ZC3H13: variants seen among roughly 807,000 people sequenced by gnomAD.
ZC3H13 encodes the protein zinc finger CCCH domain-containing protein 13.
Under a neutral mutation model 204.1 loss-of-function variants are expected in ZC3H13, and 64 were observed. The observed-to-expected ratio is 0.31, with a 90% confidence interval of 0.26 to 0.39. The LOEUF (loss-of-function observed/expected upper bound fraction) is 0.39. Ranked by LOEUF, ZC3H13 falls within the 10% of genes least tolerant of loss-of-function variation. ZC3H13 has a pLI of 1.00. For synonymous variants in ZC3H13, 667 were observed against 693.7 expected (o/e 0.96, Z 0.60); for missense variants, 1,833 against 2,082.7 (o/e 0.88, Z 2.33).
intron 7 of ZC3H13, among the ~76,000 whole-genome samples, chr13:46,008,598 T>C (rs1001443171): frequency 1.3e-5 from 2 of 152,162 alleles, no homozygotes; most frequent in African/African-American, 4.8e-5. Flanking sequence ...CAAAACTTTC[T>C]ATGAAAAGAT....
At chr13:45,989,977 ATTTT>A (rs369854024) in intron 8 of ZC3H13, among the ~76,000 whole-genome samples, 3 of 152,224 alleles carry the variant, frequency 2.0e-5, no homozygotes, top group Non-Finnish European at 4.4e-5. Flanking sequence ...AAAAATTCTG[ATTTT>A]TTAAGTCAAA....
intron 12 of ZC3H13, among the ~76,000 whole-genome samples, chr13:45,971,846 C>A (rs937261712): frequency 1.1e-4 from 16 of 151,706 alleles, no homozygotes; most frequent in African/African-American, 3.6e-4. Flanking sequence ...ATAAAGGACA[C>A]GAATAGACAT....
At chr13:46,040,185 T>C (rs1216112060) in intron 4 of ZC3H13, among the ~76,000 whole-genome samples, 3 of 152,176 alleles carry the variant, frequency 2.0e-5, no homozygotes, top group Non-Finnish European at 4.4e-5. Context: ...CATTAGACAT[T>C]AGAAAACTAA....
At chr13:46,001,906 G>A (rs1228399723) in intron 8 of ZC3H13, among the ~76,000 whole-genome samples, 2 of 150,864 alleles carry the variant, frequency 1.3e-5, no homozygotes, top group Non-Finnish European at 2.9e-5. Flanking sequence ...GAAGTCTTCA[G>A]TTAACTGTTC....
chr13:46,003,363 G>C (rs1323868563), intron 7 of ZC3H13, 27 bp from the exon 8 acceptor site: 1 of 1,590,362 alleles, frequency 6.3e-7, no homozygotes, highest in Non-Finnish European at 8.5e-7. Flanking sequence ...GCTATCATTA[G>C]AGGTTCAAAT....
chr13:46,018,961 A>G (rs1429702435), intron 5 of ZC3H13, among the ~76,000 whole-genome samples: 1 of 152,172 alleles, frequency 6.6e-6, no homozygotes, highest in African/African-American at 2.4e-5. Context: ...ATAATATTTT[A>G]TTTAAATATA....
intron 7 of ZC3H13, among the ~76,000 whole-genome samples, chr13:46,004,977 CA>C (rs1457056483): frequency 6.6e-6 from 1 of 152,158 alleles, no homozygotes; most frequent in Non-Finnish European, 1.5e-5. Flanking sequence ...CTTACTTTAA[CA>C]ATAGTTTAAT....
At chr13:45,962,288 C>A in intron 17 of ZC3H13, 1 of 985,368 alleles carries the variant, frequency 1.0e-6, no homozygotes, top group Non-Finnish European at 1.2e-6. Context: ...CATCACCCCA[C>A]CCTTTACAGT....
At chr13:46,049,796 A>G (rs1712096278) in intron 1 of ZC3H13, among the ~76,000 whole-genome samples, 1 of 152,206 alleles carries the variant, frequency 6.6e-6, no homozygotes, top group South Asian at 2.1e-4. Context: ...AAATGCTTCA[A>G]AGTATATGAG....
intron 10 of ZC3H13, among the ~76,000 whole-genome samples, chr13:45,980,440 T>C (rs1268250069): frequency 3.3e-5 from 5 of 152,234 alleles, no homozygotes; most frequent in African/African-American, 1.2e-4. Flanking sequence ...TTAAACTGTA[T>C]GTGAAAATTT....
At chr13:45,999,754 A>C (rs1485434463) in intron 8 of ZC3H13, among the ~76,000 whole-genome samples, 1 of 152,232 alleles carries the variant, frequency 6.6e-6, no homozygotes, top group Non-Finnish European at 1.5e-5. Flanking sequence ...TAAAGTTTTC[A>C]ATTTATTTTG....
rs991055893 is a variant in ZC3H13, at chr13:46,029,530, G to A, written c.340-8973C>T. ...TGCAAGCTCCGCCTCCCGGGTTCAC[G>A]CCATTCTCCTGCCTCAGCCTCCCGA... On this transcript the variant is annotated intron_variant, in intron 4 of 18. Coordinates refer to ENST00000679008, the MANE Select transcript of ZC3H13 (RefSeq NM_001330564.2). Among the ~76,000 whole-genome samples, 16 of 149,094 alleles carry A rather than the reference G, an allele frequency of 1.1e-4. 1 individual carries two copies. The highest frequency in any genetic ancestry group is 8.8e-4 in the Admixed American group (13 of 14,746).
Position 45,963,959 on chromosome 13 carries a change from A to C in ZC3H13, c.4558T>G (p.Leu1520Val), listed in dbSNP as rs752206568. ...ATAACAGCTCCAGGTGTGAATTTTA[A>C]GAGTGCAGCCCCAGGCTCTCGTGGT... Reference protein sequence around the residue: ...KEPREPGAALLKFTPGAVMLR... With the variant: ...KEPREPGAALVKFTPGAVMLR... The change falls in exon 17 of 19, where the codon TTA (leucine) becomes GTA (valine). Residue 1520 changes from leucine (L) to valine (V), a missense_variant. Physicochemically the swap from Leu to Val is conservative, Grantham distance 32 (BLOSUM62 1). Transcript: ENST00000679008. 4.3e-6 allele frequency: 7 copies of C among 1,614,058 alleles called. No homozygotes were observed. In the African/African-American group the frequency reaches 9.3e-5, roughly 22 times the overall value.
chr13:45,980,866 G>A (rs926053484), intron 10 of ZC3H13, among the ~76,000 whole-genome samples: 1 of 152,118 alleles, frequency 6.6e-6, no homozygotes, highest in Non-Finnish European at 1.5e-5. Context: ...ACTACAAAAA[G>A]CTACATACAG....
In ZC3H13 at chr13:45,967,851, C is replaced by CA; in HGVS notation, c.3973_3974insT (p.Arg1325LeufsTer4). On this transcript the variant is annotated frameshift_variant, in exon 15 of 19. Coordinates refer to ENST00000679008, the MANE Select transcript of ZC3H13 (RefSeq NM_001330564.2). LOFTEE classifies it high-confidence loss of function. ...GCGTGGCCAATCTTTATCAGCATCT[C>CA]GGTCCCATTCTCTCTGCCTCGTATC... 1 of 1,613,944 alleles carries CA rather than the reference C, an allele frequency of 6.2e-7. No homozygotes were observed. Among genetic ancestry groups the CA allele is most frequent in the Non-Finnish European group, 8.5e-7 (1 of 1,179,974 alleles).
chr13:46,037,657 G>T (rs977339176), intron 4 of ZC3H13, among the ~76,000 whole-genome samples: 4 of 65,064 alleles, frequency 6.1e-5, no homozygotes, highest in Admixed American at 2.9e-4. Context: ...TCACTTTTCA[G>T]TTCCACCGTA....
In ZC3H13 at chr13:46,045,470, G is replaced by T; in HGVS notation, c.38C>A (p.Thr13Asn). 1.2e-6 allele frequency: 2 copies of T among 1,613,972 alleles called. No homozygotes were observed. Among genetic ancestry groups the T allele is most frequent in the Non-Finnish European group, 1.7e-6 (2 of 1,179,988 alleles). ...GGATGTGCTATCAGATATAGTCTTGGTATTTTCCACTGTGACCTTCCTTCT... is the reference window on the plus strand; with the variant it reads ...GGATGTGCTATCAGATATAGTCTTGTTATTTTCCACTGTGACCTTCCTTCT... Reference protein sequence around the residue: ...KIRRKVTVENTKTISDSTSRR... With the variant: ...KIRRKVTVENNKTISDSTSRR... Residue 13 changes from threonine (T) to asparagine (N), a missense_variant, in exon 2 of 19, where the codon ACC becomes AAC. Coordinates refer to ENST00000679008, the MANE Select transcript of ZC3H13 (RefSeq NM_001330564.2).
chr13:45,975,401 G>T lies in ZC3H13; in HGVS notation c.2350C>A (p.Arg784=). The T allele has an allele frequency of 6.2e-7, 1 of 1,613,688 alleles. No homozygotes were observed. The highest frequency in any genetic ancestry group is 1.1e-5 in the South Asian group (1 of 91,062). Residue 784 remains arginine, a synonymous_variant, in exon 12 of 19, where the codon CGA becomes AGA. Coordinates refer to ENST00000679008, the MANE Select transcript of ZC3H13 (RefSeq NM_001330564.2). ...TCTTCCCAATCCCTTTGGCGTTCTCGTTCTTTATCCCTTTCTCTCGCTCTT... is the reference window on the plus strand; with the variant it reads ...TCTTCCCAATCCCTTTGGCGTTCTCTTTCTTTATCCCTTTCTCTCGCTCTT... The part of the protein sequence containing the change: ...RERARERDKE[R]ERQRDWEDKD...
chr13:45,962,844 C>T (rs937137894), intron 17 of ZC3H13: 8 of 985,084 alleles, frequency 8.1e-6, no homozygotes, highest in Non-Finnish European at 9.6e-6. Flanking sequence ...ATCTACTCGT[C>T]CCTCCCCATT....
Sources: gnomAD v4.1 joint callset for allele counts (sites outside exome capture counted in the v4.1 genomes callset) on GRCh38, gnomAD v4.1.1 for gene constraint, MANE v1.5 for transcripts, NCBI Gene and HGNC (gene_info 2026-07-23, HGNC 2026-07-21) for gene names.